Variants in DISC1 observed in about 807,000 individuals in gnomAD.
DISC1 encodes disrupted in schizophrenia 1 protein.
Under a neutral mutation model 84.5 loss-of-function variants are expected in DISC1, and 57 were observed. The ratio of observed to expected loss-of-function variants is 0.67; its 90% CI spans 0.55 to 0.84. The LOEUF (loss-of-function observed/expected upper bound fraction) is 0.84, where lower values mean the gene tolerates loss of function less well. Among genes scored for constraint, DISC1 ranks in the 40% least tolerant of loss-of-function variants. DISC1 has a pLI of 0.00. For missense variants in DISC1, 1,000 were observed against 1,057.8 expected (o/e 0.95, Z 0.76); for synonymous variants, 411 against 415.2 (o/e 0.99, Z 0.12).
chr1:231,766,752 A>G (rs1417498467), intron 4 of DISC1, among the ~76,000 whole-genome samples: 3 of 152,224 alleles, frequency 2.0e-5, no homozygotes, highest in African/African-American at 7.2e-5. Flanking sequence ...TATTATCTCA[A>G]CATATAATGA....
intron 7 of DISC1, among the ~76,000 whole-genome samples, chr1:231,797,797 T>A (rs1212295765): frequency 2.6e-5 from 4 of 152,184 alleles, no homozygotes; most frequent in African/African-American, 9.7e-5. Context: ...TCTTTGATTT[T>A]AAAATGTAAA....
chr1:231,991,383 A>G (rs1558814471), intron 10 of DISC1, among the ~76,000 whole-genome samples: 1 of 152,320 alleles, frequency 6.6e-6, no homozygotes, highest in East Asian at 1.9e-4. Flanking sequence ...CTGAGAGGCA[A>G]TTTACGAGGA....
chr1:231,962,323 G>T (rs1264000604), intron 10 of DISC1, among the ~76,000 whole-genome samples: 1 of 152,174 alleles, frequency 6.6e-6, no homozygotes, highest in Non-Finnish European at 1.5e-5. Context: ...CTCCCATTCT[G>T]TAGGTTGTCT....
chr1:231,946,476 C>A (rs941712831), intron 9 of DISC1, among the ~76,000 whole-genome samples: 2 of 152,224 alleles, frequency 1.3e-5, no homozygotes, highest in Admixed American at 6.5e-5. Context: ...ATAATAAGAG[C>A]TTTTTATGAC....
chr1:231,699,537 C>T (rs1382143217), intron 2 of DISC1, among the ~76,000 whole-genome samples: 1 of 152,116 alleles, frequency 6.6e-6, no homozygotes, highest in Admixed American at 6.5e-5. Flanking sequence ...TATATTTAAC[C>T]AGCGGTCTTC....
intron 9 of DISC1, among the ~76,000 whole-genome samples, chr1:231,874,952 AGT>A (rs1239426794): frequency 6.6e-6 from 1 of 151,950 alleles, no homozygotes; most frequent in Admixed American, 6.6e-5. Context: ...CATAGCATTA[AGT>A]GAGATACCAA....
rs114224397 is a variant in DISC1, at chr1:231,836,376, C to A, written c.1981+17859C>A. ...CAAAGAAATGGTAGAGAAAGGTCGT[C>A]CCTGTCCTGGAAGGATGCCAGATAG... On this transcript the variant is annotated intron_variant, in intron 9 of 12. Transcript: ENST00000439617. Among the ~76,000 whole-genome samples, 1,422 of 152,202 alleles carry A rather than the reference C, an allele frequency of 9.3e-3. 19 individuals are homozygous for A. The highest frequency in any genetic ancestry group is 0.031 in the African/African-American group (1,293 of 41,524).
chr1:231,815,749 A>AAAAG (rs1553361757), intron 8 of DISC1, among the ~76,000 whole-genome samples: 2 of 151,566 alleles, frequency 1.3e-5, no homozygotes, highest in Non-Finnish European at 2.9e-5. Context: ...AAAAAAAAAA[A>AAAAG]AAAGAAAGAA....
chr1:231,805,772 G>A (rs1038240968), intron 8 of DISC1, among the ~76,000 whole-genome samples: 2 of 152,162 alleles, frequency 1.3e-5, no homozygotes, highest in Non-Finnish European at 2.9e-5. Flanking sequence ...ATGAGACTTG[G>A]ATGGGGACAC....
chr1:231,853,100 T>C (rs940013872), intron 9 of DISC1, among the ~76,000 whole-genome samples: 1 of 152,168 alleles, frequency 6.6e-6, no homozygotes, highest in African/African-American at 2.4e-5. Context: ...TAACACTGCT[T>C]GAGGATGCAT....
intron 6 of DISC1, among the ~76,000 whole-genome samples, chr1:231,778,261 C>T (rs908049157): frequency 6.6e-6 from 1 of 152,310 alleles, no homozygotes; most frequent in South Asian, 2.1e-4. Flanking sequence ...AGCAAGGCCC[C>T]GCCCCAGGGC....
At chr1:231,837,258 C>T (rs1188927228) in intron 9 of DISC1, among the ~76,000 whole-genome samples, 1 of 152,186 alleles carries the variant, frequency 6.6e-6, no homozygotes, top group East Asian at 1.9e-4. Flanking sequence ...GTCATCCTGT[C>T]TTGCCAGGCT....
chr1:232,008,022 T>A (rs1667673150), intron 10 of DISC1, among the ~76,000 whole-genome samples: 1 of 152,116 alleles, frequency 6.6e-6, no homozygotes, highest in Non-Finnish European at 1.5e-5. Context: ...TGCTTCCCCT[T>A]CACCTTCTGC....
chr1:231,829,679 C>T lies in DISC1; in HGVS notation c.1981+11162C>T, dbSNP rs118170227. ...TTTTTTTCATTGTGTGTTTCACTCA[C>T]GTCCGTGTGAAGAGACACCAAACAG... is the stretch of plus-strand genomic sequence containing the variant. On this transcript the variant is annotated intron_variant, in intron 9 of 12. Coordinates refer to ENST00000439617, the MANE Select transcript of DISC1 (RefSeq NM_018662.3). Among the ~76,000 whole-genome samples, 130 of 152,278 alleles carry T rather than the reference C, an allele frequency of 8.5e-4. No individual in the cohort carries two copies. The East Asian group carries it at 0.016, about 18-fold the overall frequency.
At chr1:231,971,205 A>G (rs1661905041) in intron 10 of DISC1, among the ~76,000 whole-genome samples, 1 of 152,244 alleles carries the variant, frequency 6.6e-6, no homozygotes, top group African/African-American at 2.4e-5. Flanking sequence ...TTAAAGAAAA[A>G]TTAATTGCTG....
chr1:231,682,375 C>T (rs1250839416), intron 1 of DISC1, among the ~76,000 whole-genome samples: 1 of 152,316 alleles, frequency 6.6e-6, no homozygotes, highest in East Asian at 1.9e-4. Context: ...CAAGTGCCTT[C>T]AGCTCAAAAT....
At position 231,675,154 on chromosome 1, in the gene DISC1, C is replaced by T. The variant is rs1045126538; in HGVS notation, c.68-18672C>T. Among the ~76,000 whole-genome samples the T allele has an allele frequency of 5.2e-4, 79 of 152,014 alleles. No individual in the cohort carries two copies. The highest frequency in any genetic ancestry group is 1.8e-3 in the African/African-American group (76 of 41,390). On this transcript the variant is annotated intron_variant, in intron 1 of 12. Transcript: ENST00000439617. The surrounding 1 kb of genome is among the most constrained non-coding windows in gnomAD (Gnocchi z 4.1). Reference sequence around the variant, plus strand: ...GCTGAGACCCTTGATACTCTGCACACGGCTAGTATGGGCTTTATACAGATT... The same window carrying T: ...GCTGAGACCCTTGATACTCTGCACATGGCTAGTATGGGCTTTATACAGATT...
chr1:231,763,255 C>T (rs1265482869), intron 4 of DISC1, among the ~76,000 whole-genome samples: 1 of 152,222 alleles, frequency 6.6e-6, no homozygotes, highest in Non-Finnish European at 1.5e-5. Context: ...CCCACCGGGA[C>T]TCGGTTTCCT....
intron 9 of DISC1, among the ~76,000 whole-genome samples, chr1:231,942,062 G>A (rs183101614): frequency 3.7e-4 from 56 of 152,194 alleles, no homozygotes; most frequent in African/African-American, 1.3e-3. Context: ...GCCGGGGGAC[G>A]AGGTAACCAG....
Sources: gnomAD v4.1 joint callset for allele counts (sites outside exome capture counted in the v4.1 genomes callset) on GRCh38, gnomAD v4.1.1 for gene constraint, Gnocchi (gnomAD v3.1) non-coding constraint, MANE v1.5 for transcripts, NCBI Gene and HGNC (gene_info 2026-07-23, HGNC 2026-07-21) for gene names.